Variants in DYNLRB1 observed in about 807,000 individuals in gnomAD.
DYNLRB1 encodes ROBL/LC7-like 1.
A neutral mutation model predicts 13.5 loss-of-function variants in DYNLRB1; 6 were observed. That is an observed-to-expected ratio of 0.44 (90% confidence interval 0.24 to 0.88). DYNLRB1 has a LOEUF of 0.88. Ranked by LOEUF, DYNLRB1 falls within the 40% of genes least tolerant of loss-of-function variation. The pLI, the probability that DYNLRB1 is intolerant of heterozygous loss-of-function variation, is 0.21. For missense variants in DYNLRB1, 93 were observed against 127.2 expected, an observed-to-expected ratio of 0.73 and a Z score of 1.29; for synonymous variants, 43 against 45.0, an observed-to-expected ratio of 0.96 and a Z score of 0.18.
intron 3 of DYNLRB1, among the ~76,000 whole-genome samples, chr20:34,538,393 C>T (rs527932978): frequency 6.6e-5 from 10 of 152,016 alleles, no homozygotes; most frequent in Admixed American, 5.9e-4. Flanking sequence ...GCCATGATCA[C>T]GCCACTGCAC....
At chr20:34,515,897 GTT>G (rs964285883), upstream of DYNLRB1, among the ~76,000 whole-genome samples, 1 of 152,006 alleles carries the variant, frequency 6.6e-6, no homozygotes, top group Non-Finnish European at 1.5e-5. Context: ...CATGGTTTTT[GTT>G]TTGTTTTGTT....
Position 34,528,322 on chromosome 20 carries a change from A to AC in DYNLRB1, c.79+1979_79+1980insC, listed in dbSNP as rs1222748607. On this transcript the variant is annotated intron_variant, in intron 2 of 3. Coordinates refer to ENST00000357156, the MANE Select transcript of DYNLRB1 (RefSeq NM_014183.4). ...GCGAGACTCCGTCTCAAAAAAAAAAAAAAAAAAAAAAAAAAAAAAAAACTA... is the reference window on the plus strand; with the variant it reads ...GCGAGACTCCGTCTCAAAAAAAAAAACAAAAAAAAAAAAAAAAAAAAAACTA... Among the ~76,000 whole-genome samples, 5 of 147,098 alleles carry AC rather than the reference A, an allele frequency of 3.4e-5. 2 individuals are homozygous for AC. The highest frequency in any genetic ancestry group is 1.4e-4 in the Admixed American group (2 of 14,598).
chr20:34,526,196 C>T lies in DYNLRB1; in HGVS notation c.4-72C>T, dbSNP rs1190826231. On this transcript the variant is annotated intron_variant, in intron 1 of 3. Coordinates refer to ENST00000357156, the MANE Select transcript of DYNLRB1 (RefSeq NM_014183.4). ...GTTGTTGGAAGACAAACGTATGATT[C>T]ATCTGCCTGGGGTATGAGGAAGTTA... 10 of 1,517,426 alleles carry T rather than the reference C, an allele frequency of 6.6e-6. No individual in the cohort carries two copies. The Middle Eastern group carries it at 5.2e-4, about 79-fold the overall frequency. 94.0% of individuals were successfully genotyped at this position (1,517,426 alleles called of 1,614,324 possible). A position where few individuals can be genotyped will look rare whatever the true frequency, so the allele number is the denominator to read the frequency against.
chr20:34,532,507 C>T (rs747458207), intron 2 of DYNLRB1, among the ~76,000 whole-genome samples: 1 of 152,134 alleles, frequency 6.6e-6, no homozygotes, highest in Non-Finnish European at 1.5e-5. Flanking sequence ...TTTTCTTAGG[C>T]CCCCAGGAAT....
intron 2 of DYNLRB1, among the ~76,000 whole-genome samples, chr20:34,528,765 G>T (rs1357017449): frequency 6.6e-6 from 1 of 151,996 alleles, no homozygotes; most frequent in African/African-American, 2.4e-5. Context: ...GAGCCAAGGG[G>T]TTCAAGACCA....
rs1489689714 is a variant in DYNLRB1 at position 34,526,154 on chromosome 20, C to T, written c.4-114C>T. The T allele has an allele frequency of 2.6e-6, 3 of 1,144,888 alleles. No homozygotes were observed. The African/African-American group carries it at 4.6e-5, about 17-fold the overall frequency. 70.9% of individuals were successfully genotyped at this position (1,144,888 alleles called of 1,614,324 possible). On this transcript the variant is annotated intron_variant, in intron 1 of 3. Transcript: ENST00000357156. Reference sequence around the variant, plus strand: ...GGAACTTTGAGGGTGTGCCAGGTGCCTGAGTATTACTTGTTTGTTGTTGGA... The same window carrying T: ...GGAACTTTGAGGGTGTGCCAGGTGCTTGAGTATTACTTGTTTGTTGTTGGA...
At chr20:34,518,516 T>G (rs1343202875) in intron 1 of DYNLRB1, among the ~76,000 whole-genome samples, 1 of 152,084 alleles carries the variant, frequency 6.6e-6, no homozygotes, top group Non-Finnish European at 1.5e-5. Flanking sequence ...TCTTTTTTTT[T>G]TTTTCTTGCA....
At chr20:34,539,620 C>T (rs1347198825) in intron 3 of DYNLRB1, among the ~76,000 whole-genome samples, 2 of 152,010 alleles carry the variant, frequency 1.3e-5, no homozygotes, top group African/African-American at 2.4e-5. Context: ...AGATCTCCTG[C>T]CTCAGCCTCC....
chr20:34,527,922 C>T (rs1223370154), intron 2 of DYNLRB1, among the ~76,000 whole-genome samples: 4 of 152,188 alleles, frequency 2.6e-5, no homozygotes, highest in Non-Finnish European at 5.9e-5. Context: ...TTCCTGTCCT[C>T]CACTTCAGTC....
chr20:34,538,112 G>A (rs189367458), intron 3 of DYNLRB1, among the ~76,000 whole-genome samples: 50 of 129,300 alleles, frequency 3.9e-4, no homozygotes, highest in South Asian at 7.6e-4. Flanking sequence ...GGCATGTGTC[G>A]CCACACCCAG....
chr20:34,536,783 C>T (rs1247590295), intron 3 of DYNLRB1, among the ~76,000 whole-genome samples: 1 of 151,590 alleles, frequency 6.6e-6, no homozygotes, highest in African/African-American at 2.4e-5. Context: ...CGGGAACAGT[C>T]CCCCTGCTCA....
chr20:34,522,469 C>CTTTTTTTTTTTT lies in DYNLRB1; in HGVS notation c.4-3788_4-3777dup, dbSNP rs771811577. 4.4e-4 allele frequency among the ~76,000 whole-genome samples: 34 copies of CTTTTTTTTTTTT among 77,194 alleles called. 1 individual carries two copies. The highest frequency in any genetic ancestry group is 5.2e-4 in the South Asian group (1 of 1,906). The allele number at this position is 77,194 out of a possible 152,430, so 50.6% of individuals were successfully genotyped here. A position where few individuals can be genotyped will look rare whatever the true frequency, so the allele number is the denominator to read the frequency against. On this transcript the variant is annotated intron_variant, in intron 1 of 3. Coordinates refer to ENST00000357156, the MANE Select transcript of DYNLRB1 (RefSeq NM_014183.4). Reference sequence around the variant, plus strand: ...TTTTCTTTCTTTCTTTTTTCTTTTTCTTTTTTTTTTTTTTTTTTTTTTGAT... The same window carrying CTTTTTTTTTTTT: ...TTTTCTTTCTTTCTTTTTTCTTTTTCTTTTTTTTTTTTTTTTTTTTTTTTTTTTTTTTTTGAT...
At chr20:34,519,463 A>G (rs1979536538) in intron 1 of DYNLRB1, among the ~76,000 whole-genome samples, 1 of 152,202 alleles carries the variant, frequency 6.6e-6, no homozygotes, top group South Asian at 2.1e-4. Flanking sequence ...TCAAGGCTAC[A>G]GTGAGCCGTG....
At chr20:34,526,489 T>A in intron 2 of DYNLRB1, 146 bp downstream of exon 2, 3 of 598,328 alleles carry the variant, frequency 5.0e-6, no homozygotes, top group Non-Finnish European at 5.5e-6. Context: ...AGTGTTCTTT[T>A]TTTTTTTTTT....
Position 34,540,805 on chromosome 20 carries a change from T to G in DYNLRB1, c.*181T>G. On this transcript the variant is annotated 3_prime_UTR_variant, in exon 4 of 4. Coordinates refer to ENST00000357156, the MANE Select transcript of DYNLRB1 (RefSeq NM_014183.4). ...AACGGAACCCCTGTGTGCACCAACCTTCCCCAGAGCTCCGGAGCGCCCTCT... is the reference window on the plus strand; with the variant it reads ...AACGGAACCCCTGTGTGCACCAACCGTCCCCAGAGCTCCGGAGCGCCCTCT... 1 of 576,326 alleles carries G rather than the reference T, an allele frequency of 1.7e-6. No individual in the cohort carries two copies. The highest frequency in any genetic ancestry group is 2.4e-5 in the South Asian group (1 of 41,088). The allele number at this position is 576,326 out of a possible 1,614,324, so 35.7% of individuals were successfully genotyped here. A position where few individuals can be genotyped will look rare whatever the true frequency, so the allele number is the denominator to read the frequency against.
rs1981008485 is a variant in DYNLRB1 at position 34,534,795 on chromosome 20, G to A, written c.247G>A (p.Asp83Asn). 6.2e-7 allele frequency: 1 copy of A among 1,614,018 alleles called. No homozygotes were observed. The highest frequency in any genetic ancestry group is 8.5e-7 in the Non-Finnish European group (1 of 1,180,010). ...GAAAAATGAAATTATGGTTGCACCA[G>A]GTAAGGGGTCTTCTACCTCCCCATG... ...SKKNEIMVAP[D>N]KDYFLIVIQN... The change falls in exon 3 of 4, where the codon GAT becomes AAT. Residue 83 changes from aspartate to asparagine, a missense_variant and splice_region_variant. Physicochemically the swap from Asp to Asn is conservative, Grantham distance 23. Transcript: ENST00000357156.
intron 3 of DYNLRB1, among the ~76,000 whole-genome samples, chr20:34,539,338 T>A (rs1981409535): frequency 6.6e-6 from 1 of 152,184 alleles, no homozygotes; most frequent in Non-Finnish European, 1.5e-5. Context: ...TGAAATTTTC[T>A]TATTCAGAAG....
intron 3 of DYNLRB1, among the ~76,000 whole-genome samples, chr20:34,537,212 G>C (rs775553103): frequency 2.6e-5 from 4 of 152,292 alleles, no homozygotes; most frequent in Admixed American, 6.5e-5. Flanking sequence ...AAGTCACACT[G>C]TCTCTCTCCC....
In DYNLRB1 at chr20:34,534,621, C is replaced by A; in HGVS notation, c.80-7C>A. 2 of 1,558,542 alleles carry A rather than the reference C, an allele frequency of 1.3e-6. No homozygotes were observed. Among genetic ancestry groups the A allele is most frequent in the Non-Finnish European group, 1.7e-6 (2 of 1,151,920 alleles). ...ATCCTCTCAGTCTCCGTCTGCTCTC[C>A]CCTCAGGCATTCCCATCAAGAGCAC... On this transcript the variant is annotated splice_region_variant and splice_polypyrimidine_tract_variant and intron_variant, in intron 2 of 3. Coordinates refer to ENST00000357156, the MANE Select transcript of DYNLRB1 (RefSeq NM_014183.4).
Sources: allele counts gnomAD v4.1 joint callset (sites outside exome capture counted in the v4.1 genomes callset), GRCh38; gene constraint gnomAD v4.1.1; transcripts MANE v1.5; gene names NCBI Gene and HGNC (gene_info 2026-07-23, HGNC 2026-07-21).